ADGRB3: variants seen among roughly 807,000 people sequenced by gnomAD.
The protein encoded by ADGRB3 is adhesion G protein-coupled receptor B3, also known as brain-specific angiogenesis inhibitor 3.
In ADGRB3, 37 loss-of-function variants were observed where a neutral mutation model predicts 193.4. The ratio of observed to expected loss-of-function variants is 0.19; its 90% CI spans 0.15 to 0.25. The LOEUF (loss-of-function observed/expected upper bound fraction) is 0.25, where lower values mean the gene tolerates loss of function less well. Among genes scored for constraint, ADGRB3 ranks in the 10% least tolerant of loss-of-function variants. The pLI, the probability that ADGRB3 is intolerant of heterozygous loss-of-function variation, is 1.00. For synonymous variants in ADGRB3, 690 were observed against 644.2 expected (o/e 1.07, Z -1.08); for missense variants, 1,637 against 1,852.9 (o/e 0.88, Z 2.14).
At chr6:69,056,787 G>T (rs1236859446) in intron 15 of ADGRB3, among the ~76,000 whole-genome samples, 1 of 151,992 alleles carries the variant, frequency 6.6e-6, no homozygotes, top group African/African-American at 2.4e-5. Flanking sequence ...ACTCTATTCT[G>T]TTCTGTTGGT....
chr6:68,882,642 T>C (rs932744402), intron 3 of ADGRB3, among the ~76,000 whole-genome samples: 2 of 152,210 alleles, frequency 1.3e-5, no homozygotes, highest in Admixed American at 1.3e-4. Context: ...TAGTGGCTCC[T>C]AGACTCCTCC....
chr6:69,347,535 T>G (rs1367009173), intron 26 of ADGRB3, among the ~76,000 whole-genome samples: 4 of 152,012 alleles, frequency 2.6e-5, no homozygotes, highest in African/African-American at 4.8e-5. Flanking sequence ...GCACTTTTTT[T>G]GGGAGCCAAG....
chr6:68,765,549 C>G (rs903482799), intron 3 of ADGRB3, among the ~76,000 whole-genome samples: 6 of 151,156 alleles, frequency 4.0e-5, no homozygotes, highest in African/African-American at 1.5e-4. Context: ...CACACACACA[C>G]ACACACACAC....
At chr6:68,793,151 A>G (rs1420001511) in intron 3 of ADGRB3, among the ~76,000 whole-genome samples, 1 of 152,186 alleles carries the variant, frequency 6.6e-6, no homozygotes, top group African/African-American at 2.4e-5. Context: ...GTAACTAAGT[A>G]GACTGAAATA....
In ADGRB3 at chr6:68,883,616, T is replaced by A. The variant is rs574491046; in HGVS notation, c.758-46943T>A. 2.0e-4 allele frequency among the ~76,000 whole-genome samples: 31 copies of A among 151,364 alleles called. No individual in the cohort carries two copies. In the South Asian group the frequency reaches 5.0e-3, roughly 24 times the overall value. ...ACTCTGGACTGGAGGAATGAACAAC[T>A]CCAGAGGCACTGCCTTAAAAGCTGT... On this transcript the variant is annotated intron_variant, in intron 3 of 31. Transcript: ENST00000370598.
At chr6:69,292,843 A>G (rs2127293161) in intron 20 of ADGRB3, among the ~76,000 whole-genome samples, 1 of 152,164 alleles carries the variant, frequency 6.6e-6, no homozygotes, top group Non-Finnish European at 1.5e-5. Context: ...AGCATGAGGT[A>G]CATCTCCCAA....
intron 13 of ADGRB3, among the ~76,000 whole-genome samples, chr6:69,047,971 C>A (rs1298089731): frequency 6.6e-6 from 1 of 152,132 alleles, no homozygotes; most frequent in South Asian, 2.1e-4. Context: ...ATGATACCCA[C>A]TGAAAGCAAC....
chr6:69,022,735 C>T (rs376430483), intron 13 of ADGRB3, among the ~76,000 whole-genome samples: 10 of 151,806 alleles, frequency 6.6e-5, no homozygotes, highest in Non-Finnish European at 8.8e-5. Flanking sequence ...ATTTCTTTTG[C>T]GGTAATAGCA....
chr6:68,711,841 G>A (rs1240975053), intron 3 of ADGRB3, among the ~76,000 whole-genome samples: 1 of 151,898 alleles, frequency 6.6e-6, no homozygotes, highest in Non-Finnish European at 1.5e-5. Context: ...TTACTCCTTA[G>A]CAAGATAATC....
chr6:68,789,704 T>G (rs1767059883), intron 3 of ADGRB3, among the ~76,000 whole-genome samples: 1 of 152,230 alleles, frequency 6.6e-6, no homozygotes, highest in African/African-American at 2.4e-5. Context: ...TGGCCTGCCT[T>G]GCTAGATTGG....
At chr6:68,712,222 C>G (rs1019943001) in intron 3 of ADGRB3, among the ~76,000 whole-genome samples, 1 of 151,868 alleles carries the variant, frequency 6.6e-6, no homozygotes, top group Non-Finnish European at 1.5e-5. Context: ...TATCTGAGTT[C>G]AGCAGAGATA....
At chr6:68,748,619 G>A (rs1766131468) in intron 3 of ADGRB3, among the ~76,000 whole-genome samples, 1 of 152,132 alleles carries the variant, frequency 6.6e-6, no homozygotes, top group Non-Finnish European at 1.5e-5. Context: ...TTCATGGGCT[G>A]GCATTGAGTG....
chr6:68,683,598 A>G (rs1764934049), intron 3 of ADGRB3, among the ~76,000 whole-genome samples: 1 of 152,144 alleles, frequency 6.6e-6, no homozygotes, highest in Non-Finnish European at 1.5e-5. Flanking sequence ...GGAAATGTTT[A>G]TATGAAGAAT....
chr6:69,210,550 A>G (rs913750779), intron 17 of ADGRB3, among the ~76,000 whole-genome samples: 2 of 152,030 alleles, frequency 1.3e-5, no homozygotes, highest in Non-Finnish European at 2.9e-5. Flanking sequence ...CTCGATAATA[A>G]CCATCACATA....
intron 17 of ADGRB3, among the ~76,000 whole-genome samples, chr6:69,207,152 A>C (rs1216190169): frequency 6.6e-6 from 1 of 152,082 alleles, no homozygotes; most frequent in East Asian, 1.9e-4. Flanking sequence ...AGTCTAATGG[A>C]ATTGTTGTGT....
intron 3 of ADGRB3, among the ~76,000 whole-genome samples, chr6:68,735,595 T>G (rs1323938470): frequency 3.3e-5 from 5 of 152,090 alleles, no homozygotes; most frequent in African/African-American, 1.2e-4. Flanking sequence ...TGATTAAAAT[T>G]TTTGGAACTT....
At chr6:68,889,065 G>T (rs925903343) in intron 3 of ADGRB3, among the ~76,000 whole-genome samples, 3 of 152,218 alleles carry the variant, frequency 2.0e-5, no homozygotes, top group African/African-American at 7.2e-5. Flanking sequence ...GACAAAGGCT[G>T]TAAGAGGTGG....
At position 69,052,035 on chromosome 6, in the gene ADGRB3, C is replaced by T. The variant is rs371137463; in HGVS notation, c.2333+2689C>T. ...CCTCCTGAATAGCTGGGACTTCAGGCGCCCACCACCACGCCGGGCTAATTT... is the reference window on the plus strand; with the variant it reads ...CCTCCTGAATAGCTGGGACTTCAGGTGCCCACCACCACGCCGGGCTAATTT... On this transcript the variant is annotated intron_variant, in intron 15 of 31. Coordinates refer to ENST00000370598, the MANE Select transcript of ADGRB3 (RefSeq NM_001704.3). Among the ~76,000 whole-genome samples the T allele has an allele frequency of 5.0e-4, 76 of 152,194 alleles. No homozygotes were observed. The South Asian group carries it at 8.1e-3, about 16-fold the overall frequency.
intron 17 of ADGRB3, among the ~76,000 whole-genome samples, chr6:69,088,918 T>G (rs1772628616): frequency 6.6e-6 from 1 of 152,266 alleles, no homozygotes; most frequent in Non-Finnish European, 1.5e-5. Flanking sequence ...TCATAATTAC[T>G]ACTAAGTTCT....
Sources: gnomAD v4.1 joint callset for allele counts (sites outside exome capture counted in the v4.1 genomes callset) on GRCh38, gnomAD v4.1.1 for gene constraint, MANE v1.5 for transcripts, NCBI Gene and HGNC (gene_info 2026-07-23, HGNC 2026-07-21) for gene names.